The following ARPP19 variants were observed in gnomAD, a reference collection of about 807,000 sequenced individuals.
ARPP19 encodes cAMP regulated phosphoprotein 19.
A neutral mutation model predicts 12.0 loss-of-function variants in ARPP19; 8 were observed. The observed-to-expected ratio is 0.67, with a 90% confidence interval of 0.39 to 1.21. ARPP19 has a LOEUF of 1.21. Ranked by LOEUF, ARPP19 falls within the 50% of genes most tolerant of loss-of-function variation. The probability of loss-of-function intolerance (pLI) is 0.01; values close to 1 mark genes in which losing one functional copy is unlikely to be tolerated. For missense variants in ARPP19, 102 were observed against 136.3 expected (o/e 0.75, Z 1.25); for synonymous variants, 47 against 50.4 (o/e 0.93, Z 0.29).
At chr15:52,561,587 T>G (rs1426501682) in intron 1 of ARPP19, among the ~76,000 whole-genome samples, 1 of 151,968 alleles carries the variant, frequency 6.6e-6, no homozygotes, top group Non-Finnish European at 1.5e-5. Flanking sequence ...CATGAAAAAT[T>G]TCAAGGGGAA....
Position 52,549,213 on chromosome 15 carries a change from G to A in ARPP19, c.*2721C>T, listed in dbSNP as rs1287777764. The A allele has an allele frequency of 2.6e-5, 4 of 152,170 alleles. No homozygotes were observed. The highest frequency in any genetic ancestry group is 4.8e-5 in the African/African-American group (2 of 41,504). 9.4% of individuals were successfully genotyped at this position (152,170 alleles called of 1,614,324 possible). A position where few individuals can be genotyped will look rare whatever the true frequency, so the allele number is the denominator to read the frequency against. On this transcript the variant is annotated 3_prime_UTR_variant, in exon 3 of 3. Transcript: ENST00000249822. Reference sequence around the variant, plus strand: ...TTATTCCAACATTAATTTATGATAGGACAGTTATTAAAATTAACCATTTCT... The same window carrying A: ...TTATTCCAACATTAATTTATGATAGAACAGTTATTAAAATTAACCATTTCT...
chr15:52,564,747 C>G (rs966339386), intron 1 of ARPP19, among the ~76,000 whole-genome samples: 4 of 151,910 alleles, frequency 2.6e-5, no homozygotes, highest in Admixed American at 1.3e-4. Context: ...AAGGCCACAA[C>G]ACAAACGAAA....
Position 52,568,971 on chromosome 15 carries a change from C to T in ARPP19, c.-79G>A, listed in dbSNP as rs1328522918. 1.1e-5 allele frequency: 12 copies of T among 1,083,314 alleles called. No homozygotes were observed. Among genetic ancestry groups the T allele is most frequent in the Non-Finnish European group, 1.6e-5 (12 of 753,408 alleles). The allele number at this position is 1,083,314 out of a possible 1,614,324, so 67.1% of individuals were successfully genotyped here. ...GAGGCCACCCGGCCGCCGCCCGTCC[C>T]AGCTCTCCCAGGGCCCGCCGGGCCG... On this transcript the variant is annotated 5_prime_UTR_variant, in exon 1 of 3. Coordinates refer to ENST00000249822, the MANE Select transcript of ARPP19 (RefSeq NM_006628.6).
chr15:52,565,412 G>T (rs1038501735), intron 1 of ARPP19, among the ~76,000 whole-genome samples: 1 of 152,138 alleles, frequency 6.6e-6, no homozygotes, highest in Non-Finnish European at 1.5e-5. Flanking sequence ...AGATTCATGA[G>T]ATCTGTACTC....
At chr15:52,558,796 A>C (rs1397044899) in intron 1 of ARPP19, among the ~76,000 whole-genome samples, 1 of 151,842 alleles carries the variant, frequency 6.6e-6, no homozygotes, top group Non-Finnish European at 1.5e-5. Flanking sequence ...AAAAAAAAAA[A>C]AAAAGATGAA....
intron 1 of ARPP19, among the ~76,000 whole-genome samples, chr15:52,559,423 C>T (rs1595864839): frequency 6.6e-6 from 1 of 152,170 alleles, no homozygotes; most frequent in Admixed American, 6.5e-5. Flanking sequence ...CAATACAAGC[C>T]TATTACCTTA....
Position 52,552,018 on chromosome 15 carries a change from C to T in ARPP19, c.255G>A (p.Thr85=), listed in dbSNP as rs776746187. 12 of 1,609,408 alleles carry T rather than the reference C, an allele frequency of 7.5e-6. No individual in the cohort carries two copies. Among genetic ancestry groups the T allele is most frequent in the East Asian group, 6.7e-5 (3 of 44,868 alleles). Reference sequence around the variant, plus strand: ...TGGGAATGTGGTCACCAGTGACCTCCGTCTTATCCGGAGCTGCAGTAGGAA... The same window carrying T: ...TGGGAATGTGGTCACCAGTGACCTCTGTCTTATCCGGAGCTGCAGTAGGAA... The part of the protein sequence containing the change: ...KQLPTAAPDK[T]EVTGDHIPTP... The change falls in exon 3 of 3, where the codon ACG becomes ACA. Residue 85 remains threonine, a synonymous_variant. Transcript: ENST00000249822.
intron 2 of ARPP19, among the ~76,000 whole-genome samples, chr15:52,554,647 T>G (rs551467488): frequency 1.3e-5 from 2 of 152,172 alleles, no homozygotes; most frequent in African/African-American, 4.8e-5. Context: ...TGACACTAAG[T>G]GATCACCTAA....
intron 1 of ARPP19, among the ~76,000 whole-genome samples, chr15:52,561,236 A>C (rs2078029618): frequency 6.6e-6 from 1 of 152,252 alleles, no homozygotes; most frequent in Admixed American, 6.5e-5. Context: ...TAGAATGAAA[A>C]CAAAGGGGAG....
In ARPP19 at chr15:52,549,614, T is replaced by C. The variant is rs1003605438; in HGVS notation, c.*2320A>G. 3.9e-5 allele frequency: 6 copies of C among 152,650 alleles called. No homozygotes were observed. The highest frequency in any genetic ancestry group is 1.4e-4 in the African/African-American group (6 of 41,452). The allele number at this position is 152,650 out of a possible 1,614,324, so 9.5% of individuals were successfully genotyped here. Reference sequence around the variant, plus strand: ...ATTTTGAGGTAGGTCAAATATTAATTATGTATTTTACAAACAAAACTCAAG... The same window carrying C: ...ATTTTGAGGTAGGTCAAATATTAATCATGTATTTTACAAACAAAACTCAAG... On this transcript the variant is annotated 3_prime_UTR_variant, in exon 3 of 3. Coordinates refer to ENST00000249822, the MANE Select transcript of ARPP19 (RefSeq NM_006628.6).
At chr15:52,553,066 G>A (rs918505211) in intron 2 of ARPP19, among the ~76,000 whole-genome samples, 18 of 152,038 alleles carry the variant, frequency 1.2e-4, no homozygotes, top group Non-Finnish European at 2.2e-4. Flanking sequence ...GACAGAGCAA[G>A]ACTCTGTCTC....
intron 1 of ARPP19, among the ~76,000 whole-genome samples, chr15:52,561,092 C>T (rs1007427688): frequency 3.3e-5 from 5 of 152,158 alleles, no homozygotes; most frequent in African/African-American, 9.7e-5. Flanking sequence ...TCCTGTCTCC[C>T]AACAGGACAC....
At chr15:52,561,233 A>G (rs2078029591) in intron 1 of ARPP19, among the ~76,000 whole-genome samples, 1 of 152,264 alleles carries the variant, frequency 6.6e-6, no homozygotes, top group Non-Finnish European at 1.5e-5. Flanking sequence ...AGCTAGAATG[A>G]AAACAAAGGG....
intron 1 of ARPP19, among the ~76,000 whole-genome samples, chr15:52,562,738 G>A (rs778989544): frequency 5.3e-5 from 8 of 152,052 alleles, no homozygotes; most frequent in Admixed American, 2.0e-4. Context: ...AATGAGCGAT[G>A]CATCCAATTT....
chr15:52,567,430 C>G (rs764736016), intron 1 of ARPP19, among the ~76,000 whole-genome samples: 1 of 152,118 alleles, frequency 6.6e-6, no homozygotes, highest in African/African-American at 2.4e-5. Flanking sequence ...CTACTGTGCA[C>G]CAGAAGTTAA....
At chr15:52,568,783 G>GGGAGCAGGCCGCCCGCC in intron 1 of ARPP19, 65 bp downstream of exon 1, 3 of 1,257,344 alleles carry the variant, frequency 2.4e-6, no homozygotes, top group Non-Finnish European at 3.2e-6. Flanking sequence ...TCCGCCTGGC[G>GGGAGCAGGCCGCCCGCC]GGAGCAGGCC....
intron 2 of ARPP19, among the ~76,000 whole-genome samples, chr15:52,553,315 CACAG>C (rs2077953036): frequency 6.6e-6 from 1 of 151,656 alleles, no homozygotes; most frequent in Admixed American, 6.6e-5. Flanking sequence ...CTCCATTTTT[CACAG>C]AGAGACATGA....
At chr15:52,569,184 G>T (rs565533012), upstream of ARPP19, 21 of 443,612 alleles carry the variant, frequency 4.7e-5, no homozygotes, top group South Asian at 4.9e-4. Flanking sequence ...CGCCGCTCCT[G>T]CCTCACCTCA....
chr15:52,550,447 C>G lies in ARPP19; in HGVS notation c.*1487G>C, dbSNP rs1157607088. On this transcript the variant is annotated 3_prime_UTR_variant, in exon 3 of 3. Transcript: ENST00000249822. ...GCTCATCTTGACATAGGTTCTTGAG[C>G]CAGTATTCCGAACCGTTTCATTATA... is the stretch of plus-strand genomic sequence containing the variant. The G allele has an allele frequency of 6.6e-6, 1 of 152,126 alleles. No individual in the cohort carries two copies. Among genetic ancestry groups the G allele is most frequent in the Admixed American group, 6.5e-5 (1 of 15,272 alleles). The allele number at this position is 152,126 out of a possible 1,614,324, so 9.4% of individuals were successfully genotyped here.
Sources: gnomAD v4.1 joint callset for allele counts (sites outside exome capture counted in the v4.1 genomes callset) on GRCh38, gnomAD v4.1.1 for gene constraint, MANE v1.5 for transcripts, NCBI Gene and HGNC (gene_info 2026-07-23, HGNC 2026-07-21) for gene names.